The following GRIK3 variants were observed in gnomAD, a reference collection of about 807,000 sequenced individuals.
The protein encoded by GRIK3 is glutamate receptor ionotropic, kainate 3.
In GRIK3, 29 loss-of-function variants were observed where a neutral mutation model predicts 102.5. The ratio of observed to expected loss-of-function variants is 0.28; its 90% confidence interval spans 0.21 to 0.39. The LOEUF is 0.39. Among genes scored for constraint, GRIK3 ranks in the 10% least tolerant of loss-of-function variants. The pLI is 1.00. For missense variants in GRIK3, 908 were observed against 1,252.4 expected, an observed-to-expected ratio of 0.73 and a Z score of 4.15; for synonymous variants, 511 against 504.9, an observed-to-expected ratio of 1.01 and a Z score of -0.16.
At chr1:36,948,080 T>C (rs904738125) in intron 1 of GRIK3, among the ~76,000 whole-genome samples, 1 of 152,146 alleles carries the variant, frequency 6.6e-6, no homozygotes, top group African/African-American at 2.4e-5. Flanking sequence ...GTCGGTTCTT[T>C]AAATAAGAAT....
chr1:36,954,475 A>G (rs1641880503), intron 1 of GRIK3, among the ~76,000 whole-genome samples: 1 of 152,218 alleles, frequency 6.6e-6, no homozygotes, highest in South Asian at 2.1e-4. Flanking sequence ...CCGACCCTGA[A>G]GGCCAACAGA....
chr1:36,848,871 A>G (rs561034644), intron 9 of GRIK3, among the ~76,000 whole-genome samples: 38 of 152,100 alleles, frequency 2.5e-4, no homozygotes, highest in African/African-American at 8.9e-4. Context: ...TTTAGTTAAC[A>G]AAAAGTTGAT....
At chr1:36,984,159 G>A (rs1045566234) in intron 1 of GRIK3, among the ~76,000 whole-genome samples, 1 of 152,144 alleles carries the variant, frequency 6.6e-6, no homozygotes, top group Non-Finnish European at 1.5e-5. Context: ...CACCACTCAT[G>A]GGCCACACAC....
chr1:37,023,355 G>A (rs180682601), intron 1 of GRIK3, among the ~76,000 whole-genome samples: 1 of 151,978 alleles, frequency 6.6e-6, no homozygotes, highest in Non-Finnish European at 1.5e-5. Context: ...GAAAGAAAAA[G>A]GAAAGAAAAA....
chr1:36,865,307 A>G (rs1640771116), intron 5 of GRIK3, among the ~76,000 whole-genome samples: 1 of 152,214 alleles, frequency 6.6e-6, no homozygotes, highest in South Asian at 2.1e-4. Context: ...TGGGGTAATT[A>G]AAATATCTTC....
At chr1:37,000,274 C>G (rs1642463268) in intron 1 of GRIK3, among the ~76,000 whole-genome samples, 1 of 152,232 alleles carries the variant, frequency 6.6e-6, no homozygotes, top group African/African-American at 2.4e-5. Flanking sequence ...TTACCTTCAT[C>G]ACATACATGA....
intron 11 of GRIK3, among the ~76,000 whole-genome samples, chr1:36,821,852 TG>T (rs1265832593): frequency 1.3e-5 from 2 of 152,216 alleles, no homozygotes; most frequent in African/African-American, 4.8e-5. Flanking sequence ...AGCTGATTTC[TG>T]GTGAGATCTC....
At chr1:36,859,471 C>T (rs1337261211) in intron 6 of GRIK3, among the ~76,000 whole-genome samples, 1 of 152,154 alleles carries the variant, frequency 6.6e-6, no homozygotes, top group Non-Finnish European at 1.5e-5. Flanking sequence ...CCCTCTGCAG[C>T]TTAGACCTTC....
intron 1 of GRIK3, among the ~76,000 whole-genome samples, chr1:37,009,252 G>C (rs1642564107): frequency 6.6e-6 from 1 of 152,170 alleles, no homozygotes; most frequent in Non-Finnish European, 1.5e-5. Context: ...AGAATGAGTG[G>C]GAACAAGGTG....
At chr1:36,877,092 T>C (rs1018633377) in intron 3 of GRIK3, among the ~76,000 whole-genome samples, 10 of 152,178 alleles carry the variant, frequency 6.6e-5, no homozygotes, top group African/African-American at 2.4e-4. Flanking sequence ...AAGTGACGTG[T>C]ACTTATAGTC....
At chr1:36,970,316 T>C (rs1642127590) in intron 1 of GRIK3, among the ~76,000 whole-genome samples, 1 of 152,106 alleles carries the variant, frequency 6.6e-6, no homozygotes, top group Admixed American at 6.5e-5. Context: ...GGGGCCACCG[T>C]ACCATATCAG....
chr1:36,954,686 T>A (rs1474097977), intron 1 of GRIK3, among the ~76,000 whole-genome samples: 4 of 152,174 alleles, frequency 2.6e-5, no homozygotes, highest in African/African-American at 9.7e-5. Context: ...TGCATGCACA[T>A]ACATATGCAT....
chr1:36,934,248 C>T (rs1196149772), intron 1 of GRIK3, among the ~76,000 whole-genome samples: 2 of 152,204 alleles, frequency 1.3e-5, no homozygotes, highest in South Asian at 2.1e-4. Flanking sequence ...CTGGGCCTCC[C>T]TCCCTCTGGC....
chr1:36,852,464 G>A (rs1350258672), intron 8 of GRIK3, among the ~76,000 whole-genome samples: 1 of 152,186 alleles, frequency 6.6e-6, no homozygotes, highest in Non-Finnish European at 1.5e-5. Context: ...TGGAAACGAG[G>A]CCCAGAAGGG....
intron 1 of GRIK3, among the ~76,000 whole-genome samples, chr1:36,912,642 G>A (rs978261550): frequency 1.3e-4 from 20 of 152,044 alleles, no homozygotes; most frequent in East Asian, 1.9e-4. Flanking sequence ...GTCCTCCTCC[G>A]TATCCTCACA....
intron 9 of GRIK3, among the ~76,000 whole-genome samples, chr1:36,848,854 A>G (rs1465875333): frequency 1.3e-5 from 2 of 149,514 alleles, no homozygotes; most frequent in East Asian, 2.0e-4. Flanking sequence ...ACTGATTTTT[A>G]TATTTGTTTA....
intron 1 of GRIK3, among the ~76,000 whole-genome samples, chr1:36,920,199 C>A (rs1641450960): frequency 6.6e-6 from 1 of 152,200 alleles, no homozygotes; most frequent in Admixed American, 6.5e-5. Context: ...TCTAGAGGGA[C>A]CAGAGTCTAG....
chr1:37,009,548 A>C (rs1642567117), intron 1 of GRIK3, among the ~76,000 whole-genome samples: 1 of 152,208 alleles, frequency 6.6e-6, no homozygotes, highest in Non-Finnish European at 1.5e-5. Context: ...ATTTAAAAAA[A>C]GAATCCACAG....
chr1:36,817,127 T>C lies in GRIK3; in HGVS notation c.2024A>G (p.Asp675Gly). 6.2e-7 allele frequency: 1 copy of C among 1,614,104 alleles called. No homozygotes were observed. Among genetic ancestry groups the C allele is most frequent in the South Asian group, 1.1e-5 (1 of 91,070 alleles). ...RMESPIDSAD[D>G]LAKQTKIEYG... ...CTCGATTTTGGTTTGCTTGGCCAGG[T>C]CATCAGCAGAGTCAATGGGTGATTC... The change falls in exon 13 of 16, where the codon GAC becomes GGC. Residue 675 changes from aspartate (D) to glycine (G), a missense_variant. Asp to Gly is a moderately conservative substitution (Grantham distance 94). This residue lies in a region of GRIK3 where 297 missense variants were observed against 362.7 expected (regional missense o/e 0.82). Coordinates refer to ENST00000373091, the MANE Select transcript of GRIK3 (RefSeq NM_000831.4).
Sources: gnomAD v4.1 joint callset for allele counts (sites outside exome capture counted in the v4.1 genomes callset) on GRCh38, gnomAD v4.1.1 for gene constraint, gnomAD v4.1.1 regional missense constraint, MANE v1.5 for transcripts, NCBI Gene and HGNC (gene_info 2026-07-23, HGNC 2026-07-21) for gene names.